The following PLEKHG4B variants were observed in gnomAD, a reference collection of about 807,000 sequenced individuals.
PLEKHG4B encodes pleckstrin homology and RhoGEF domain containing G4B.
PLEKHG4B carries 111 observed loss-of-function variants against 121.3 expected under a neutral mutation model. The observed-to-expected ratio is 0.92, with a 90% confidence interval of 0.78 to 1.07. The LOEUF is 1.07. PLEKHG4B is among the 50% of genes least tolerant of loss of function. The pLI is 0.00. For synonymous variants in PLEKHG4B, 738 were observed against 725.0 expected (o/e 1.02, Z -0.29); for missense variants, 1,831 against 1,757.8 (o/e 1.04, Z -0.74).
At position 106,997 on chromosome 5, in the gene PLEKHG4B, G is replaced by A. The variant is rs145710408; in HGVS notation, c.46-6254G>A. Reference sequence around the variant, plus strand: ...GCAGTTCTTATCCGATTCTTTTCCCGGCAAGGCCTGCTCAGTGCAGACATG... The same window carrying A: ...GCAGTTCTTATCCGATTCTTTTCCCAGCAAGGCCTGCTCAGTGCAGACATG... On this transcript the variant is annotated intron_variant, in intron 1 of 19. Coordinates refer to ENST00000637938, the MANE Select transcript of PLEKHG4B (RefSeq NM_052909.5). 2.8e-3 allele frequency among the ~76,000 whole-genome samples: 423 copies of A among 152,312 alleles called. 5 individuals are homozygous for A. The highest frequency in any genetic ancestry group is 9.6e-3 in the African/African-American group (398 of 41,554).
intron 6 of PLEKHG4B, among the ~76,000 whole-genome samples, chr5:150,475 C>T (rs951736920): frequency 3.3e-5 from 5 of 152,040 alleles, no homozygotes; most frequent in Non-Finnish European, 7.4e-5. Context: ...GACTGCTGAA[C>T]AGTACACTGA....
At chr5:164,592 G>C (rs111998992) in intron 13 of PLEKHG4B, among the ~76,000 whole-genome samples, 20,137 of 84,686 alleles carry the variant, frequency 0.24, 4,949 homozygotes, top group South Asian at 0.34. Flanking sequence ...CAGTAATGCT[G>C]TGACGGAGCG....
chr5:142,437 G>A (rs1457008831), intron 3 of PLEKHG4B, among the ~76,000 whole-genome samples: 1 of 151,006 alleles, frequency 6.6e-6, no homozygotes, highest in Non-Finnish European at 1.5e-5. Flanking sequence ...CGCGCGCACA[G>A]TCACCAGTCA....
intron 1 of PLEKHG4B, among the ~76,000 whole-genome samples, chr5:96,462 TA>T (rs1733629801): frequency 6.6e-6 from 1 of 152,214 alleles, no homozygotes. Context: ...ACAACTGTAA[TA>T]TGTAGGATTT....
chr5:189,313 G>C lies in PLEKHG4B; in HGVS notation c.*6990G>C, dbSNP rs553570246. ...CAGACCCCCTCACCCCGTGTCCACC[G>C]CCCATGGCCGGGCTCACAGTGTCTC... On this transcript the variant is annotated 3_prime_UTR_variant, in exon 20 of 20. Transcript: ENST00000637938. The C allele has an allele frequency of 6.6e-6, 1 of 152,404 alleles. No individual in the cohort carries two copies. The allele number at this position is 152,404 out of a possible 1,614,324, so 9.4% of individuals were successfully genotyped here. A position where few individuals can be genotyped will look rare whatever the true frequency, so the allele number is the denominator to read the frequency against.
intron 2 of PLEKHG4B, among the ~76,000 whole-genome samples, chr5:119,273 A>G (rs1734398082): frequency 6.6e-6 from 1 of 152,182 alleles, no homozygotes; most frequent in Non-Finnish European, 1.5e-5. Flanking sequence ...AATCAACAAC[A>G]AGAAACCCTT....
chr5:156,237 GC>G lies in PLEKHG4B; in HGVS notation c.2348+30del. ...TGAGCGCTCACAGGGGTCATGCTGGGCCCTGGCCCATCGAGGGAGCTGCTCG... is the reference window on the plus strand; with the variant it reads ...TGAGCGCTCACAGGGGTCATGCTGGGCCTGGCCCATCGAGGGAGCTGCTCG... On this transcript the variant is annotated intron_variant, in intron 10 of 19. Coordinates refer to ENST00000637938, the MANE Select transcript of PLEKHG4B (RefSeq NM_052909.5). This position sits in a 1 kb window ranked among gnomAD's most constrained non-coding sequence, Gnocchi z 4.4. 7.0e-7 allele frequency: 1 copy of G among 1,432,818 alleles called. No individual in the cohort carries two copies. Among genetic ancestry groups the G allele is most frequent in the South Asian group, 1.6e-5 (1 of 61,798 alleles). The allele number at this position is 1,432,818 out of a possible 1,614,324, so 88.8% of individuals were successfully genotyped here.
chr5:126,349 G>A (rs1407971210), intron 2 of PLEKHG4B, among the ~76,000 whole-genome samples: 3 of 152,042 alleles, frequency 2.0e-5, no homozygotes, highest in Non-Finnish European at 4.4e-5. Flanking sequence ...ATACTTTTCA[G>A]CTCCAGAATT....
At position 140,589 on chromosome 5, in the gene PLEKHG4B, C is replaced by T; in HGVS notation, c.1350C>T (p.Ala450=). Residue 450 remains alanine (A), a synonymous_variant, in exon 3 of 20, where the codon GCC becomes GCT. Transcript: ENST00000637938. ...GGGCACCCAGAAGCTCCAGAGGGGCCCAGGCTGCAGCCTGCCACACCTCCC... is the reference window on the plus strand; with the variant it reads ...GGGCACCCAGAAGCTCCAGAGGGGCTCAGGCTGCAGCCTGCCACACCTCCC... The part of the protein sequence containing the change: ...WERAPRSSRG[A]QAAACHTSHH... The T allele has an allele frequency of 3.7e-6, 6 of 1,609,786 alleles. No homozygotes were observed. The highest frequency in any genetic ancestry group is 5.1e-6 in the Non-Finnish European group (6 of 1,178,548).
intron 1 of PLEKHG4B, among the ~76,000 whole-genome samples, chr5:94,795 C>T (rs943522957): frequency 2.0e-5 from 3 of 152,082 alleles, no homozygotes; most frequent in African/African-American, 7.3e-5. Context: ...TCTTGGAAAC[C>T]AGCACATCCA....
intron 2 of PLEKHG4B, among the ~76,000 whole-genome samples, chr5:115,597 A>G (rs1011004469): frequency 1.3e-5 from 2 of 152,230 alleles, no homozygotes; most frequent in African/African-American, 4.8e-5. Context: ...ATCTGTTGTT[A>G]AGCACAGCCA....
intron 3 of PLEKHG4B, 32 bp downstream of exon 3, chr5:140,748 CCCCACAACCTCCCCTACACAT>C: frequency 6.7e-7 from 1 of 1,502,326 alleles, no homozygotes; most frequent in Non-Finnish European, 8.9e-7. Flanking sequence ...CCCTGCGCAC[CCCCACAACCTCCCCTACACAT>C]CCCACAATCT....
chr5:126,973 C>T (rs979625394), intron 2 of PLEKHG4B, among the ~76,000 whole-genome samples: 11 of 152,084 alleles, frequency 7.2e-5, no homozygotes, highest in Admixed American at 2.6e-4. Flanking sequence ...GTGTGCGGGT[C>T]GGGGAAGCTG....
chr5:92,587 G>C (rs1733500067), intron 1 of PLEKHG4B, among the ~76,000 whole-genome samples: 1 of 151,250 alleles, frequency 6.6e-6, no homozygotes, highest in Admixed American at 6.6e-5. Flanking sequence ...GTCCTGGCGT[G>C]GGTCCTGGGA....
At chr5:105,723 T>C (rs891891694) in intron 1 of PLEKHG4B, among the ~76,000 whole-genome samples, 1 of 152,262 alleles carries the variant, frequency 6.6e-6, no homozygotes, top group Non-Finnish European at 1.5e-5. Flanking sequence ...TTTTTCCCTT[T>C]GAGACCTGAG....
At chr5:129,864 A>C (rs62344115) in intron 2 of PLEKHG4B, among the ~76,000 whole-genome samples, 1 of 152,072 alleles carries the variant, frequency 6.6e-6, no homozygotes, top group South Asian at 2.1e-4. Flanking sequence ...AGTCCTGACC[A>C]CTCACAGCTG....
chr5:121,225 TGACAGAGTGA>T (rs1418245008), intron 2 of PLEKHG4B, among the ~76,000 whole-genome samples: 1 of 150,336 alleles, frequency 6.7e-6, no homozygotes, highest in Non-Finnish European at 1.5e-5. Context: ...CCAGCCTGGG[TGACAGAGTGA>T]GACTCCGTCT....
chr5:167,564 C>T (rs1736393337), intron 13 of PLEKHG4B, among the ~76,000 whole-genome samples: 1 of 152,186 alleles, frequency 6.6e-6, no homozygotes, highest in Admixed American at 6.5e-5. Flanking sequence ...AGGGCAGGGC[C>T]CCCGGCTCAC....
intron 2 of PLEKHG4B, among the ~76,000 whole-genome samples, chr5:127,340 T>TTTTTTATTATTATTATTA (rs146821461): frequency 7.5e-4 from 102 of 135,562 alleles, no homozygotes; most frequent in African/African-American, 2.0e-3. Flanking sequence ...ATTGTTGGTT[T>TTTTTTATTATTATTATTA]TTATTATTAT....
Sources: gnomAD v4.1 joint callset for allele counts (sites outside exome capture counted in the v4.1 genomes callset) on GRCh38, gnomAD v4.1.1 for gene constraint, Gnocchi (gnomAD v3.1) non-coding constraint, MANE v1.5 for transcripts, NCBI Gene and HGNC (gene_info 2026-07-23, HGNC 2026-07-21) for gene names.